NPAS3: variants seen among roughly 807,000 people sequenced by gnomAD.
NPAS3 encodes neuronal PAS domain protein 3, also known as neuronal PAS domain-containing protein 3.
NPAS3 carries 14 observed loss-of-function variants against 73.1 expected under a neutral mutation model. The ratio of observed to expected loss-of-function variants is 0.19; its 90% CI spans 0.13 to 0.30. NPAS3 has a LOEUF of 0.30. Ranked by LOEUF, NPAS3 falls within the 10% of genes least tolerant of loss-of-function variation. The pLI is 1.00. For missense variants in NPAS3, 1,096 were observed against 1,250.0 expected, an observed-to-expected ratio of 0.88 and a Z score of 1.86; for synonymous variants, 620 against 541.5, an observed-to-expected ratio of 1.14 and a Z score of -2.01.
chr14:33,685,300 A>G (rs1392678767), intron 6 of NPAS3, among the ~76,000 whole-genome samples: 2 of 152,206 alleles, frequency 1.3e-5, no homozygotes, highest in Non-Finnish European at 2.9e-5. Context: ...CGCTGCTAGC[A>G]GTCTTGGCAG....
chr14:33,384,713 A>G (rs2046703568), intron 4 of NPAS3, among the ~76,000 whole-genome samples: 1 of 152,226 alleles, frequency 6.6e-6, no homozygotes, highest in Non-Finnish European at 1.5e-5. Context: ...CTGGGCAACA[A>G]GAGCAGAACT....
intron 3 of NPAS3, among the ~76,000 whole-genome samples, chr14:33,227,697 A>G (rs2047686484): frequency 6.6e-6 from 1 of 152,192 alleles, no homozygotes; most frequent in Admixed American, 6.5e-5. Flanking sequence ...ACCTCCAAGT[A>G]CCATCACAAT....
At chr14:33,293,138 G>A (rs993065196) in intron 3 of NPAS3, among the ~76,000 whole-genome samples, 4 of 152,136 alleles carry the variant, frequency 2.6e-5, no homozygotes, top group Admixed American at 2.6e-4. Flanking sequence ...TGTTGCTCTT[G>A]ACGAACCCTA....
chr14:33,154,989 G>T (rs1460154803), intron 2 of NPAS3, among the ~76,000 whole-genome samples: 1 of 152,070 alleles, frequency 6.6e-6, no homozygotes, highest in Non-Finnish European at 1.5e-5. Context: ...GAGTTTCTTA[G>T]AGTTTTCACA....
chr14:32,985,909 T>C (rs558212246), intron 1 of NPAS3, among the ~76,000 whole-genome samples: 1 of 152,122 alleles, frequency 6.6e-6, no homozygotes, highest in East Asian at 1.9e-4. Flanking sequence ...TTTGAGTGAG[T>C]CGTTAGTCAT....
At chr14:33,775,384 G>A (rs778023603) in intron 8 of NPAS3, among the ~76,000 whole-genome samples, 8 of 152,122 alleles carry the variant, frequency 5.3e-5, no homozygotes, top group African/African-American at 1.7e-4. Context: ...CTTTTGCAGC[G>A]CTGTTGTCAG....
intron 4 of NPAS3, among the ~76,000 whole-genome samples, chr14:33,554,446 G>A (rs1176259385): frequency 6.6e-6 from 1 of 152,156 alleles, no homozygotes; most frequent in Non-Finnish European, 1.5e-5. Context: ...AGGAGCACAT[G>A]CATGCATTTA....
chr14:33,250,599 T>C (rs2048546201), intron 3 of NPAS3, among the ~76,000 whole-genome samples: 1 of 152,144 alleles, frequency 6.6e-6, no homozygotes, highest in Admixed American at 6.6e-5. Flanking sequence ...TCTGTTTACT[T>C]TGACTTGCAC....
intron 2 of NPAS3, among the ~76,000 whole-genome samples, chr14:33,138,007 G>A (rs2043902584): frequency 6.6e-6 from 1 of 151,342 alleles, no homozygotes. Context: ...GAGGGATGGT[G>A]TAACATCTTT....
intron 5 of NPAS3, among the ~76,000 whole-genome samples, chr14:33,601,796 C>T (rs1026160518): frequency 1.3e-5 from 2 of 152,036 alleles, no homozygotes; most frequent in Admixed American, 6.6e-5. Context: ...GGTAAATATC[C>T]TCTTAAATGA....
chr14:33,078,204 T>C (rs575121065), intron 2 of NPAS3, among the ~76,000 whole-genome samples: 1 of 152,240 alleles, frequency 6.6e-6, no homozygotes, highest in South Asian at 2.1e-4. Flanking sequence ...TATAGTTCTA[T>C]TACTTGCCTG....
chr14:33,573,706 C>T lies in NPAS3; in HGVS notation c.558+13496C>T, dbSNP rs74652500. 0.014 allele frequency among the ~76,000 whole-genome samples: 2,150 copies of T among 152,174 alleles called. 136 individuals carry two copies. In the East Asian group the frequency reaches 0.21, roughly 15 times the overall value. On this transcript the variant is annotated intron_variant, in intron 5 of 11. Coordinates refer to ENST00000356141, the Ensembl canonical transcript of NPAS3. ...GTAAGCTAAGGAAATTGGAATTTTT[C>T]CTTTAGACCCTTGGGAGCTGTAAAA...
intron 4 of NPAS3, among the ~76,000 whole-genome samples, chr14:33,407,541 G>A (rs1392769503): frequency 1.3e-5 from 2 of 152,106 alleles, no homozygotes; most frequent in African/African-American, 4.8e-5. Flanking sequence ...CAGAAACACT[G>A]AAATATCAGT....
intron 9 of NPAS3, among the ~76,000 whole-genome samples, chr14:33,790,369 AT>A (rs2063321834): frequency 6.6e-6 from 1 of 152,236 alleles, no homozygotes; most frequent in Non-Finnish European, 1.5e-5. Context: ...ATTGAAGAGA[AT>A]CAAAAAAGTT....
intron 4 of NPAS3, among the ~76,000 whole-genome samples, chr14:33,447,534 A>G (rs1477403603): frequency 6.6e-6 from 1 of 152,206 alleles, no homozygotes; most frequent in Admixed American, 6.5e-5. Context: ...ATAACATGAA[A>G]GAGGATTTCG....
At chr14:33,659,580 C>T (rs913410290) in intron 5 of NPAS3, among the ~76,000 whole-genome samples, 1 of 152,162 alleles carries the variant, frequency 6.6e-6, no homozygotes, top group Non-Finnish European at 1.5e-5. Context: ...AACTTCATTT[C>T]TAAATGACAC....
At chr14:33,606,294 A>T (rs1595261677) in intron 5 of NPAS3, among the ~76,000 whole-genome samples, 1 of 136,904 alleles carries the variant, frequency 7.3e-6, no homozygotes, top group South Asian at 2.4e-4. Flanking sequence ...TCATTGTTCA[A>T]TTCCCACCTG....
At chr14:33,420,204 AT>A (rs1224273512) in intron 4 of NPAS3, among the ~76,000 whole-genome samples, 8 of 151,866 alleles carry the variant, frequency 5.3e-5, no homozygotes, top group Non-Finnish European at 8.8e-5. Flanking sequence ...CCAAGTAAGG[AT>A]TTTCACTTTT....
At chr14:32,964,285 G>A (rs1291896837) in intron 1 of NPAS3, among the ~76,000 whole-genome samples, 2 of 151,874 alleles carry the variant, frequency 1.3e-5, no homozygotes, top group East Asian at 1.9e-4. Context: ...TATGGGGTAG[G>A]TGTTATAGCC....
Sources: gnomAD v4.1 joint callset for allele counts (sites outside exome capture counted in the v4.1 genomes callset) on GRCh38, gnomAD v4.1.1 for gene constraint, MANE v1.5 for transcripts, NCBI Gene and HGNC (gene_info 2026-07-23, HGNC 2026-07-21) for gene names.